FRMPD4: variants seen among roughly 807,000 people sequenced by gnomAD.
FRMPD4 encodes the protein FERM and PDZ domain containing 4.
A neutral mutation model predicts 94.1 loss-of-function variants in FRMPD4; 22 were observed. That is an observed-to-expected ratio of 0.23 (90% CI 0.17 to 0.33). The LOEUF (loss-of-function observed/expected upper bound fraction) is 0.33. Ranked by LOEUF, FRMPD4 falls within the 10% of genes least tolerant of loss-of-function variation. The pLI is 1.00. For synonymous variants in FRMPD4, 631 were observed against 548.6 expected (o/e 1.15, Z -2.10); for missense variants, 1,111 against 1,339.9 (o/e 0.83, Z 2.67).
At chrX:12,713,356 G>A (rs1229662591) in intron 14 of FRMPD4, among the ~76,000 whole-genome samples, 2 of 111,178 alleles carry the variant, frequency 1.8e-5, no homozygotes, top group African/African-American at 6.5e-5. Context: ...AGAACTTAGA[G>A]GCAAAAACAT....
chrX:12,036,790 G>C (rs1436114578), intron 3 of FRMPD4, among the ~76,000 whole-genome samples: 1 of 111,730 alleles, frequency 9.0e-6, no homozygotes, highest in Non-Finnish European at 1.9e-5. Flanking sequence ...TGTTATTTAT[G>C]CATGATCCCT....
chrX:12,263,163 T>TG (rs1272197269), intron 1 of FRMPD4, among the ~76,000 whole-genome samples: 3 of 111,325 alleles, frequency 2.7e-5, no homozygotes, highest in Non-Finnish European at 5.7e-5. Flanking sequence ...TGAAGGTACT[T>TG]GGGGGGATGA....
chrX:12,716,738 T>C lies in FRMPD4; in HGVS notation c.2279T>C (p.Leu760Pro), dbSNP rs992160575. 1.7e-6 allele frequency: 2 copies of C among 1,209,762 alleles called. No individual in the cohort carries two copies. The highest frequency in any genetic ancestry group is 3.5e-5 in the African/African-American group (2 of 57,117). Residue 760 changes from leucine (L) to proline (P), a missense_variant, in exon 15 of 17, where the codon CTC (leucine) becomes CCC (proline). Physicochemically the swap from Leu to Pro is moderately conservative, Grantham distance 98. This residue lies in a region of FRMPD4 where 192 missense variants were observed against 192.5 expected (regional missense o/e 1.00). Transcript: ENST00000675598. Reference protein sequence around the residue: ...DEDEVSCEEDLVVGEMNQPAI... With the variant: ...DEDEVSCEEDPVVGEMNQPAI... ...GACGAGGTGAGCTGCGAGGAGGACCTCGTGGTGGGGGAGATGAACCAGCCG... is the reference window on the plus strand; with the variant it reads ...GACGAGGTGAGCTGCGAGGAGGACCCCGTGGTGGGGGAGATGAACCAGCCG...
chrX:12,017,624 T>G (rs1027115854), intron 3 of FRMPD4, among the ~76,000 whole-genome samples: 1 of 112,281 alleles, frequency 8.9e-6, no homozygotes, highest in African/African-American at 3.2e-5. Flanking sequence ...TTCTCCTCTA[T>G]TTTTTGTAAT....
At chrX:12,381,359 T>G (rs1010485443) in intron 1 of FRMPD4, among the ~76,000 whole-genome samples, 1 of 112,326 alleles carries the variant, frequency 8.9e-6, no homozygotes, top group African/African-American at 3.2e-5. Flanking sequence ...ATATACGAAC[T>G]ATGAAACTGT....
At chrX:12,644,931 A>C (rs1399367681) in intron 4 of FRMPD4, among the ~76,000 whole-genome samples, 3 of 112,011 alleles carry the variant, frequency 2.7e-5, no homozygotes, top group Non-Finnish European at 5.6e-5. Context: ...TTAACTATGC[A>C]AACTGACTAC....
chrX:12,581,487 A>G (rs1448487724), intron 2 of FRMPD4, among the ~76,000 whole-genome samples: 1 of 112,444 alleles, frequency 8.9e-6, no homozygotes, highest in Non-Finnish European at 1.9e-5. Flanking sequence ...TAAGATTCAT[A>G]TAACAATATA....
intron 2 of FRMPD4, among the ~76,000 whole-genome samples, chrX:12,504,702 A>T (rs1251964643): frequency 8.9e-6 from 1 of 112,420 alleles, no homozygotes; most frequent in East Asian, 2.8e-4. Context: ...TTTTAACAGG[A>T]AAGCTCTGAA....
At chrX:11,926,269 A>AT in intron 3 of FRMPD4, among the ~76,000 whole-genome samples, 1 of 99,375 alleles carries the variant, frequency 1.0e-5, no homozygotes, top group South Asian at 4.8e-4. Flanking sequence ...AAAAAAAAAA[A>AT]AAAAAAAAAA....
chrX:12,481,557 A>T lies in FRMPD4; in HGVS notation c.42-17123A>T, dbSNP rs1054653671. ...CTACTGTTGACCAGAAGCCTTACTG[A>T]TAACTGTAAACAGTGGGTTAACACA... On this transcript the variant is annotated intron_variant, in intron 1 of 16. Transcript: ENST00000675598. 6.3e-5 allele frequency among the ~76,000 whole-genome samples: 7 copies of T among 111,207 alleles called. No homozygotes were observed. In the South Asian group the frequency reaches 1.9e-3, roughly 30 times the overall value.
chrX:12,016,972 C>T (rs1008497014), intron 3 of FRMPD4, among the ~76,000 whole-genome samples: 8 of 112,288 alleles, frequency 7.1e-5, no homozygotes, highest in Non-Finnish European at 1.1e-4. Flanking sequence ...TCCCCATTGA[C>T]TAGGCTGTTG....
At chrX:12,512,391 C>T (rs956514399) in intron 2 of FRMPD4, among the ~76,000 whole-genome samples, 3 of 112,044 alleles carry the variant, frequency 2.7e-5, no homozygotes, top group African/African-American at 9.7e-5. Context: ...CCCCCAACTA[C>T]AGGCCCCAGT....
rs370688291 is a variant in FRMPD4, at chrX:12,067,387, G to GTGTT, written c.95+189391_95+189394dup. On this transcript the variant is annotated intron_variant, in intron 3 of 18. Coordinates refer to the FRMPD4 transcript ENST00000640291. ...TTGGTCACTGAAAGCCAAAAACAAA[G>GTGTT]TGTTTGTTTGTTTGTTTGTTTGTTT... Among the ~76,000 whole-genome samples the GTGTT allele has an allele frequency of 2.7e-3, 304 of 110,665 alleles. 1 individual carries two copies. Among genetic ancestry groups the GTGTT allele is most frequent in the African/African-American group, 5.2e-3 (159 of 30,458 alleles).
chrX:12,500,100 A>G (rs1435456872), intron 2 of FRMPD4, among the ~76,000 whole-genome samples: 3 of 111,386 alleles, frequency 2.7e-5, no homozygotes, highest in Non-Finnish European at 5.7e-5. Context: ...TTTTTCTCCA[A>G]CCTGAGCAAA....
intron 1 of FRMPD4, among the ~76,000 whole-genome samples, chrX:12,271,068 G>A (rs1316147385): frequency 8.9e-6 from 1 of 112,045 alleles, no homozygotes; most frequent in Non-Finnish European, 1.9e-5. Context: ...TATACCGTAT[G>A]TTTTGGTTGG....
At chrX:12,647,190 C>T (rs1448031000) in intron 4 of FRMPD4, among the ~76,000 whole-genome samples, 3 of 112,031 alleles carry the variant, frequency 2.7e-5, no homozygotes, top group Non-Finnish European at 5.6e-5. Context: ...GTTTTGGTTC[C>T]TTCACAAGCC....
intron 1 of FRMPD4, among the ~76,000 whole-genome samples, chrX:12,182,676 A>C (rs79283550): frequency 0.11 from 12,371 of 109,960 alleles, 647 homozygotes; most frequent in South Asian, 0.3. Context: ...CTTTTTTTTC[A>C]GATTATGGGT....
chrX:12,721,450 G>A lies in FRMPD4; in HGVS notation c.4881G>A (p.Arg1627=), dbSNP rs1241453881. Residue 1627 remains arginine, a synonymous_variant, in exon 17 of 17, where the codon AGG becomes AGA. Transcript: ENST00000675598. ...TCGTCAGGGCAACCAAGGAGAAGAG[G>A]GAGGAGTCACGCCCTGAAGCGTACG... ...LCLVRATKEK[R]EESRPEAYDL... 1.3e-6 allele frequency: 1 copy of A among 752,821 alleles called. No homozygotes were observed. Among genetic ancestry groups the A allele is most frequent in the East Asian group, 1.5e-4 (1 of 6,585 alleles). The allele number at this position is 752,821 out of a possible 1,213,427, so 62.0% of individuals were successfully genotyped here. A position where few individuals can be genotyped will look rare whatever the true frequency, so the allele number is the denominator to read the frequency against.
At chrX:12,614,540 G>T (rs945623664) in intron 3 of FRMPD4, among the ~76,000 whole-genome samples, 1 of 111,535 alleles carries the variant, frequency 9.0e-6, no homozygotes, top group African/African-American at 3.3e-5. Flanking sequence ...ACTGAGTCTC[G>T]ACCTTGCTTG....
Sources: allele counts gnomAD v4.1 joint callset (sites outside exome capture counted in the v4.1 genomes callset), GRCh38; gene constraint gnomAD v4.1.1; regional missense constraint gnomAD v4.1.1; transcripts MANE v1.5; gene names NCBI Gene and HGNC (gene_info 2026-07-23, HGNC 2026-07-21).